EDA: variants seen among roughly 807,000 people sequenced by gnomAD.
The protein encoded by EDA is ectodysplasin A, also known as ectodysplasin-A.
Under a neutral mutation model 23.6 loss-of-function variants are expected in EDA, and 2 were observed. The ratio of observed to expected loss-of-function variants is 0.08; its 90% CI spans 0.03 to 0.27. The LOEUF is 0.27. Among genes scored for constraint, EDA ranks in the 10% least tolerant of loss-of-function variants. EDA has a pLI of 1.00. For synonymous variants in EDA, 131 were observed against 132.0 expected (o/e 0.99, Z 0.05); for missense variants, 229 against 324.2 (o/e 0.71, Z 2.26).
At chrX:69,913,483 A>G (rs2018297947) in intron 1 of EDA, among the ~76,000 whole-genome samples, 2 of 112,333 alleles carry the variant, frequency 1.8e-5, no homozygotes, top group Non-Finnish European at 3.8e-5. Context: ...CAGCCTTCAC[A>G]GAGTTGAAGA....
chrX:70,020,323 C>T (rs759467823), intron 2 of EDA, among the ~76,000 whole-genome samples: 52 of 111,248 alleles, frequency 4.7e-4, no homozygotes, highest in Non-Finnish European at 9.1e-4. Flanking sequence ...TTTGGGAGGC[C>T]GAGGCAGGCG....
At chrX:69,751,856 A>T (rs758938102) in intron 1 of EDA, among the ~76,000 whole-genome samples, 76 of 107,660 alleles carry the variant, frequency 7.1e-4, no homozygotes, top group African/African-American at 2.6e-3. Flanking sequence ...GTTATAACAG[A>T]ACAGAATCCT....
At chrX:69,988,581 C>T (rs1025283246) in intron 2 of EDA, among the ~76,000 whole-genome samples, 60 of 112,109 alleles carry the variant, frequency 5.4e-4, no homozygotes, top group African/African-American at 1.9e-3. Flanking sequence ...AAGGGCCAGT[C>T]GCGGTGGCTC....
chrX:69,906,590 G>A (rs929288513), intron 1 of EDA, among the ~76,000 whole-genome samples: 1 of 112,190 alleles, frequency 8.9e-6, no homozygotes, highest in Non-Finnish European at 1.9e-5. Flanking sequence ...GAGTGACACA[G>A]AATGCTGTGG....
chrX:69,969,811 A>C (rs2019223940), intron 2 of EDA, among the ~76,000 whole-genome samples: 1 of 111,732 alleles, frequency 8.9e-6, no homozygotes, highest in African/African-American at 3.3e-5. Context: ...CATAAGAAAG[A>C]AAAAAGAACA....
At chrX:69,636,738 T>C (rs143807946) in intron 1 of EDA, among the ~76,000 whole-genome samples, 165 of 110,282 alleles carry the variant, frequency 1.5e-3, no homozygotes, top group African/African-American at 5.2e-3. Flanking sequence ...CCGTTTCTTC[T>C]TGCTACTGTA....
intron 1 of EDA, among the ~76,000 whole-genome samples, chrX:69,672,121 G>C (rs1402170633): frequency 9.0e-6 from 1 of 111,541 alleles, no homozygotes; most frequent in Non-Finnish European, 1.9e-5. Context: ...CCTGACTACT[G>C]CTTGTTCACT....
At chrX:69,960,856 CA>C (rs35976010) in intron 2 of EDA, among the ~76,000 whole-genome samples, 33,253 of 91,841 alleles carry the variant, frequency 0.36, 4,777 homozygotes, top group East Asian at 0.7. Context: ...ACCAAAAATA[CA>C]AAAAAAAAAA....
chrX:69,789,282 C>T (rs2804328), intron 1 of EDA, among the ~76,000 whole-genome samples: 42,152 of 111,045 alleles, frequency 0.38, 7,132 homozygotes, highest in Middle Eastern at 0.63. Flanking sequence ...AGCTGTAGAC[C>T]GGAGCTGTTC....
At chrX:69,741,228 G>A (rs2013448727) in intron 1 of EDA, among the ~76,000 whole-genome samples, 1 of 110,866 alleles carries the variant, frequency 9.0e-6, no homozygotes, top group African/African-American at 3.3e-5. Context: ...TTTTTAAAAA[G>A]CTGTGTGTGA....
At chrX:69,679,498 T>C (rs183537855) in intron 1 of EDA, among the ~76,000 whole-genome samples, 277 of 111,617 alleles carry the variant, frequency 2.5e-3, no homozygotes, top group African/African-American at 8.1e-3. Flanking sequence ...CAATTTCAGA[T>C]CCTGTTATTG....
chrX:69,799,388 A>C (rs2015621076), intron 1 of EDA, among the ~76,000 whole-genome samples: 1 of 110,881 alleles, frequency 9.0e-6, no homozygotes, highest in African/African-American at 3.3e-5. Flanking sequence ...ACAATCAACA[A>C]AGTGTAGGAA....
chrX:69,661,559 A>G (rs1352690902), intron 1 of EDA, among the ~76,000 whole-genome samples: 1 of 111,266 alleles, frequency 9.0e-6, no homozygotes, highest in African/African-American at 3.3e-5. Context: ...TTAGCTTTCT[A>G]TATATGGCTA....
intron 2 of EDA, among the ~76,000 whole-genome samples, chrX:69,973,879 A>C (rs904635054): frequency 9.0e-6 from 1 of 111,489 alleles, no homozygotes; most frequent in African/African-American, 3.3e-5. Context: ...CAAAAGAAAA[A>C]ACTATGTTTG....
At chrX:69,623,290 C>A (rs1360547060) in intron 1 of EDA, among the ~76,000 whole-genome samples, 3 of 112,074 alleles carry the variant, frequency 2.7e-5, no homozygotes, top group African/African-American at 9.7e-5. Flanking sequence ...TTCAGTTTTC[C>A]AATCCATGAA....
intron 1 of EDA, among the ~76,000 whole-genome samples, chrX:69,658,212 T>TTGTGTGTG (rs3138864): frequency 0.031 from 2,839 of 90,840 alleles, 64 homozygotes; most frequent in African/African-American, 0.051. Flanking sequence ...TCCTAGGTAT[T>TTGTGTGTG]TGTGTGTGTG....
chrX:69,704,386 G>T (rs1268393842), intron 1 of EDA, among the ~76,000 whole-genome samples: 1 of 111,816 alleles, frequency 8.9e-6, no homozygotes, highest in African/African-American at 3.3e-5. Flanking sequence ...AGGTAGCAGA[G>T]GTAACAGGCT....
intron 1 of EDA, among the ~76,000 whole-genome samples, chrX:69,714,550 T>C (rs764190626): frequency 6.2e-5 from 7 of 112,132 alleles, no homozygotes; most frequent in African/African-American, 1.9e-4. Context: ...TTTAAGTCTA[T>C]GATACATTTT....
chrX:69,795,905 A>G (rs778191459), intron 1 of EDA, among the ~76,000 whole-genome samples: 1 of 111,893 alleles, frequency 8.9e-6, no homozygotes, highest in East Asian at 2.8e-4. Flanking sequence ...CAGTCCAGGG[A>G]CCAGGGGATT....
Sources: gnomAD v4.1 joint callset for allele counts (sites outside exome capture counted in the v4.1 genomes callset) on GRCh38, gnomAD v4.1.1 for gene constraint, MANE v1.5 for transcripts, NCBI Gene and HGNC (gene_info 2026-07-23, HGNC 2026-07-21) for gene names.